KANSL3: variants seen among roughly 807,000 people sequenced by gnomAD.
KANSL3 encodes NSL complex protein NSL3.
A neutral mutation model predicts 89.2 loss-of-function variants in KANSL3; 16 were observed. The ratio of observed to expected loss-of-function variants is 0.18; its 90% confidence interval spans 0.12 to 0.27. The LOEUF is 0.27. Among genes scored for constraint, KANSL3 ranks in the 10% least tolerant of loss-of-function variants. The probability of loss-of-function intolerance (pLI) is 1.00; values close to 1 mark genes in which losing one functional copy is unlikely to be tolerated. For synonymous variants in KANSL3, 385 were observed against 419.7 expected, an observed-to-expected ratio of 0.92 and a Z score of 1.01; for missense variants, 879 against 1,110.6, an observed-to-expected ratio of 0.79 and a Z score of 2.96.
intron 9 of KANSL3, among the ~76,000 whole-genome samples, chr2:96,611,903 A>ATGTATGTGTGTGTGTGTGTGTG (rs1553417076): frequency 3.5e-5 from 4 of 113,304 alleles, no homozygotes; most frequent in African/African-American, 1.1e-4. Flanking sequence ...ATATACCCAT[A>ATGTATGTGTGTGTGTGTGTGTG]TGTGTGTGTG....
At chr2:96,605,591 A>ATGGCTGTGTTGGT in intron 14 of KANSL3, 80 bp from the exon 15 acceptor site, 4 of 1,157,494 alleles carry the variant, frequency 3.5e-6, no homozygotes, top group Non-Finnish European at 5.1e-6. Context: ...GCACCAACAC[A>ATGGCTGTGTTGGT]GCCATGTGTA....
At chr2:96,595,895 G>A (rs748170509) in intron 20 of KANSL3, among the ~76,000 whole-genome samples, 14 of 152,106 alleles carry the variant, frequency 9.2e-5, no homozygotes, top group Middle Eastern at 3.2e-3. Flanking sequence ...GCCTGTAAGA[G>A]GTAGATGACA....
chr2:96,619,294 C>T, intron 5 of KANSL3, 65 bp downstream of exon 5: 13 of 1,470,400 alleles, frequency 8.8e-6, no homozygotes, highest in South Asian at 1.3e-5. Flanking sequence ...CCTAACCCCA[C>T]ATCCTGAACC....
intron 3 of KANSL3, among the ~76,000 whole-genome samples, chr2:96,630,623 C>T (rs917994857): frequency 2.6e-5 from 4 of 152,172 alleles, no homozygotes; most frequent in Admixed American, 2.0e-4. Context: ...ACAACTCTGA[C>T]TATACTAAAA....
rs1205376765 is a variant in KANSL3, at chr2:96,636,918, C to T, written c.215+3G>A. 2.0e-6 allele frequency: 3 copies of T among 1,516,758 alleles called. No homozygotes were observed. Among genetic ancestry groups the T allele is most frequent in the Non-Finnish European group, 2.7e-6 (3 of 1,128,440 alleles). The allele number at this position is 1,516,758 out of a possible 1,614,324, so 94.0% of individuals were successfully genotyped here. On this transcript the variant is annotated splice_donor_region_variant and intron_variant, in intron 2 of 20. Coordinates refer to ENST00000431828, the MANE Select transcript of KANSL3 (RefSeq NM_001115016.3). Reference sequence around the variant, plus strand: ...CCAGCAGCCCTTAGAAGCCCCAACTCACATGGTACTTTCGTGCTGCCGCCG... The same window carrying T: ...CCAGCAGCCCTTAGAAGCCCCAACTTACATGGTACTTTCGTGCTGCCGCCG...
In KANSL3 at chr2:96,605,621, T is replaced by TA. The variant is rs2105211821; in HGVS notation, c.1742-111dup. On this transcript the variant is annotated intron_variant, in intron 14 of 20. Coordinates refer to ENST00000431828, the MANE Select transcript of KANSL3 (RefSeq NM_001115016.3). ...TGTGTAGAATGTAGAACACACAGGA[T>TA]AACCACTCTACGTACAGGGCCACCC... is the stretch of plus-strand genomic sequence containing the variant. The TA allele has an allele frequency of 1.1e-5, 10 of 901,146 alleles. No homozygotes were observed. In the South Asian group the frequency reaches 1.5e-4, roughly 14 times the overall value. 55.8% of individuals were successfully genotyped at this position (901,146 alleles called of 1,614,324 possible). A position where few individuals can be genotyped will look rare whatever the true frequency, so the allele number is the denominator to read the frequency against.
At chr2:96,616,816 A>G (rs2070222635) in intron 5 of KANSL3, among the ~76,000 whole-genome samples, 1 of 152,194 alleles carries the variant, frequency 6.6e-6, no homozygotes, top group African/African-American at 2.4e-5. Context: ...CCAACTATGC[A>G]TGCTATGGAG....
At chr2:96,633,942 G>A (rs897317467) in intron 2 of KANSL3, among the ~76,000 whole-genome samples, 7 of 152,186 alleles carry the variant, frequency 4.6e-5, no homozygotes, top group Admixed American at 1.3e-4. Context: ...TACACGTGGC[G>A]GCAGTTACCA....
At chr2:96,612,663 AAAG>A in intron 7 of KANSL3, 100 bp from the exon 8 acceptor site, 1 of 1,199,216 alleles carries the variant, frequency 8.3e-7, no homozygotes. Flanking sequence ...ATTCCACATG[AAAG>A]AAGGATTAGA....
At chr2:96,582,169 G>A in the KANSL3 span, among the ~76,000 whole-genome samples, 4 of 152,158 alleles carry the variant, frequency 2.6e-5, no homozygotes, top group African/African-American at 9.7e-5. Flanking sequence ...ACGGGCGGAT[G>A]ACTTGAGGCC....
At chr2:96,626,219 A>G (rs972780119) in intron 3 of KANSL3, among the ~76,000 whole-genome samples, 9 of 151,662 alleles carry the variant, frequency 5.9e-5, no homozygotes, top group Admixed American at 5.9e-4. Flanking sequence ...TATCTAAAGG[A>G]TTTTTTTTTA....
rs568816223 is a variant in KANSL3, at chr2:96,603,954, C to G, written c.2149+296G>C. On this transcript the variant is annotated intron_variant, in intron 17 of 20. Transcript: ENST00000431828. ...ACCAATCTCCTGTGGATAAGAAAGG[C>G]TGACTATACATATATGTCCTATCGG... The G allele has an allele frequency of 1.3e-5, 3 of 236,294 alleles. No homozygotes were observed. In the Admixed American group the frequency reaches 1.7e-4, roughly 13 times the overall value. 14.6% of individuals were successfully genotyped at this position (236,294 alleles called of 1,614,324 possible).
Position 96,608,597 on chromosome 2 carries a change from G to A in KANSL3, c.1652C>T (p.Ala551Val). Reference sequence around the variant, plus strand: ...ACTTCCAATCTGACTGGACTTCTGGGCAGAGGTCACTGTGGTCACTTTGGT... The same window carrying A: ...ACTTCCAATCTGACTGGACTTCTGGACAGAGGTCACTGTGGTCACTTTGGT... ...PKTKVTTVTS[A>V]QKSSQIGSSQ... Residue 551 changes from alanine (A) to valine (V), a missense_variant, in exon 14 of 21, where the codon GCC becomes GTC. Transcript: ENST00000431828. The A allele has an allele frequency of 3.1e-6, 5 of 1,614,014 alleles. No homozygotes were observed. The highest frequency in any genetic ancestry group is 1.6e-4 in the Middle Eastern group (1 of 6,062).
downstream of KANSL3, among the ~76,000 whole-genome samples, chr2:96,588,179 A>C (rs879646655): frequency 1.3e-5 from 2 of 152,124 alleles, no homozygotes; most frequent in Non-Finnish European, 2.9e-5. Context: ...GAAAAAAAAA[A>C]CCAAAATCCA....
intron 5 of KANSL3, 85 bp from the exon 6 acceptor site, chr2:96,613,704 C>G (rs2069424474): frequency 7.6e-7 from 1 of 1,310,158 alleles, no homozygotes; most frequent in African/African-American, 1.5e-5. Flanking sequence ...AACAGAGCCC[C>G]ACTATAAGCC....
At chr2:96,606,860 A>G (rs2105264932) in intron 14 of KANSL3, 1 of 474,342 alleles carries the variant, frequency 2.1e-6, no homozygotes, top group Middle Eastern at 3.5e-4. Flanking sequence ...GAGAGAGAAA[A>G]GAACAGGAGG....
intron 20 of KANSL3, 167 bp downstream of exon 20, chr2:96,601,476 A>G (rs1283377456): frequency 5.8e-6 from 8 of 1,382,290 alleles, no homozygotes; most frequent in East Asian, 5.5e-5. Flanking sequence ...AAAGATGTCC[A>G]TGATTCGCTC....
intron 20 of KANSL3, 155 bp downstream of exon 20, chr2:96,601,488 A>G (rs950161284): frequency 2.4e-5 from 34 of 1,396,704 alleles, no homozygotes; most frequent in Admixed American, 1.2e-4. Flanking sequence ...GATTCGCTCA[A>G]TATTATAAAG....
chr2:96,601,016 G>A (rs1368908570), intron 20 of KANSL3: 2 of 480,340 alleles, frequency 4.2e-6, no homozygotes, highest in Admixed American at 6.4e-5. Context: ...GCCAGGAGCG[G>A]TGGCTCACAC....
Sources: allele counts gnomAD v4.1 joint callset (sites outside exome capture counted in the v4.1 genomes callset), GRCh38; gene constraint gnomAD v4.1.1; transcripts MANE v1.5; gene names NCBI Gene and HGNC (gene_info 2026-07-23, HGNC 2026-07-21).